Variants in GALNTL6 observed in about 807,000 individuals in gnomAD.
GALNTL6 encodes the protein polypeptide N-acetylgalactosaminyltransferase like 6.
A neutral mutation model predicts 73.7 loss-of-function variants in GALNTL6; 46 were observed. That is an observed-to-expected ratio of 0.62 (90% CI 0.49 to 0.80). The LOEUF (loss-of-function observed/expected upper bound fraction) is 0.80. GALNTL6 is among the 30% of genes least tolerant of loss of function. GALNTL6 has a pLI of 0.00. For missense variants in GALNTL6, 604 were observed against 755.0 expected (o/e 0.80, Z 2.34); for synonymous variants, 259 against 263.7 (o/e 0.98, Z 0.17).
chr4:172,757,272 T>C (rs1023938428), intron 5 of GALNTL6, among the ~76,000 whole-genome samples: 1 of 152,228 alleles, frequency 6.6e-6, no homozygotes, highest in African/African-American at 2.4e-5. Flanking sequence ...ATTTTCTACA[T>C]TGGAATAGAA....
chr4:172,846,846 A>G (rs1475303618), intron 7 of GALNTL6, among the ~76,000 whole-genome samples: 1 of 152,216 alleles, frequency 6.6e-6, no homozygotes, highest in Non-Finnish European at 1.5e-5. Context: ...TTCTGACTAC[A>G]TGAATTTTAG....
chr4:172,471,546 T>C lies in GALNTL6; in HGVS notation c.553+122857T>C, dbSNP rs149773593. 8.1e-3 allele frequency among the ~76,000 whole-genome samples: 1,233 copies of C among 152,316 alleles called. 13 individuals are homozygous for C. The highest frequency in any genetic ancestry group is 0.014 in the Admixed American group (209 of 15,304). ...TCTTCTGTATTTAGCCAAATTTTTT[T>C]AGCTATTGCCCTTTCTTCTTTTTTT... On this transcript the variant is annotated intron_variant, in intron 5 of 12. Transcript: ENST00000506823.
chr4:172,165,809 A>C (rs928427622), intron 2 of GALNTL6, among the ~76,000 whole-genome samples: 16 of 152,312 alleles, frequency 1.1e-4, no homozygotes, highest in Admixed American at 1.0e-3. Context: ...CAACACAGAT[A>C]TATTCCACTA....
intron 5 of GALNTL6, among the ~76,000 whole-genome samples, chr4:172,482,986 G>T (rs183019653): frequency 1.5e-4 from 22 of 142,894 alleles, no homozygotes; most frequent in African/African-American, 5.0e-4. Flanking sequence ...GTACAATTTC[G>T]TAGGATTAAA....
intron 5 of GALNTL6, among the ~76,000 whole-genome samples, chr4:172,494,608 C>CAA (rs1734009275): frequency 6.6e-6 from 1 of 152,160 alleles, no homozygotes; most frequent in Non-Finnish European, 1.5e-5. Context: ...CCCAAAACCA[C>CAA]AAAAGTTGAG....
At chr4:171,983,358 C>T (rs1181387332) in intron 2 of GALNTL6, among the ~76,000 whole-genome samples, 2 of 152,086 alleles carry the variant, frequency 1.3e-5, no homozygotes, top group South Asian at 2.1e-4. Flanking sequence ...CTATCATATC[C>T]GTTGTGCTCC....
rs185114155 is a variant in GALNTL6 at position 171,938,613 on chromosome 4, A to T, written c.138+123895A>T. On this transcript the variant is annotated intron_variant, in intron 2 of 12. Transcript: ENST00000506823. The stretch of plus-strand genomic sequence containing the variant: ...GCACATTCCATTATAACTTAATTTT[A>T]AAAGTGAAAACTGAATTGTGACTAA... Among the ~76,000 whole-genome samples the T allele has an allele frequency of 2.7e-3, 404 of 152,240 alleles. 1 individual carries two copies. The highest frequency in any genetic ancestry group is 0.019 in the South Asian group (93 of 4,824).
intron 5 of GALNTL6, among the ~76,000 whole-genome samples, chr4:172,796,898 G>A (rs1740302798): frequency 6.6e-6 from 1 of 152,148 alleles, no homozygotes; most frequent in Non-Finnish European, 1.5e-5. Flanking sequence ...TAACTGTTTA[G>A]AGGAATTCCT....
chr4:172,711,908 G>A (rs1734730047), intron 5 of GALNTL6, among the ~76,000 whole-genome samples: 1 of 152,152 alleles, frequency 6.6e-6, no homozygotes, highest in Non-Finnish European at 1.5e-5. Flanking sequence ...AGATGAGGAG[G>A]AAGCAAAGGG....
At chr4:172,773,978 G>GA (rs34044056) in intron 5 of GALNTL6, among the ~76,000 whole-genome samples, 50 of 150,046 alleles carry the variant, frequency 3.3e-4, no homozygotes, top group African/African-American at 9.3e-4. Context: ...AGACTTAAGG[G>GA]AAAAAAAAAA....
At chr4:173,039,892 C>G in intron 12 of GALNTL6, 41 bp from the exon 13 acceptor site, 4 of 1,499,508 alleles carry the variant, frequency 2.7e-6, no homozygotes, top group Non-Finnish European at 3.6e-6. Context: ...CCATTCACCA[C>G]GTATTACAAC....
chr4:172,753,338 G>A (rs947741508), intron 5 of GALNTL6, among the ~76,000 whole-genome samples: 1 of 152,134 alleles, frequency 6.6e-6, no homozygotes, highest in East Asian at 1.9e-4. Context: ...CCCAGTCTCA[G>A]GTAAGTCTTT....
chr4:172,978,292 C>T (rs1039260924), intron 10 of GALNTL6, among the ~76,000 whole-genome samples: 2 of 152,090 alleles, frequency 1.3e-5, no homozygotes, highest in African/African-American at 2.4e-5. Flanking sequence ...CCACGGTTGC[C>T]GAGTCCCAAG....
chr4:172,537,658 T>C (rs930785472), intron 5 of GALNTL6, among the ~76,000 whole-genome samples: 1 of 152,194 alleles, frequency 6.6e-6, no homozygotes, highest in Non-Finnish European at 1.5e-5. Flanking sequence ...AAGTTTTTTT[T>C]TATATTTGTG....
chr4:172,244,954 A>C (rs1737571584), intron 3 of GALNTL6, among the ~76,000 whole-genome samples: 1 of 152,162 alleles, frequency 6.6e-6, no homozygotes, highest in African/African-American at 2.4e-5. Context: ...TAAATGCCCC[A>C]CATTTGTGAG....
intron 5 of GALNTL6, among the ~76,000 whole-genome samples, chr4:172,582,870 C>T (rs1456884639): frequency 6.6e-6 from 1 of 151,962 alleles, no homozygotes; most frequent in African/African-American, 2.4e-5. Context: ...CACTTTTATT[C>T]TGAACATGCA....
At chr4:172,711,497 T>A (rs1024650073) in intron 5 of GALNTL6, among the ~76,000 whole-genome samples, 1 of 152,108 alleles carries the variant, frequency 6.6e-6, no homozygotes, top group Non-Finnish European at 1.5e-5. Context: ...TCCCTCTGGC[T>A]TTTGGGTGAA....
intron 10 of GALNTL6, among the ~76,000 whole-genome samples, chr4:172,964,853 T>C (rs1750252407): frequency 6.6e-6 from 1 of 152,216 alleles, no homozygotes; most frequent in Non-Finnish European, 1.5e-5. Flanking sequence ...AGCAGGTGCT[T>C]TCTGCACAAC....
intron 5 of GALNTL6, among the ~76,000 whole-genome samples, chr4:172,762,805 A>G (rs1277662418): frequency 6.7e-6 from 1 of 149,642 alleles, no homozygotes; most frequent in East Asian, 2.0e-4. Flanking sequence ...AAAAAAACCC[A>G]GTGAAAGTAA....
Sources: gnomAD v4.1 joint callset for allele counts (sites outside exome capture counted in the v4.1 genomes callset) on GRCh38, gnomAD v4.1.1 for gene constraint, MANE v1.5 for transcripts, NCBI Gene and HGNC (gene_info 2026-07-23, HGNC 2026-07-21) for gene names.